Variants in ARHGEF7 observed in about 807,000 individuals in gnomAD.
ARHGEF7 encodes the protein PAK-interacting exchange factor beta.
Under a neutral mutation model 109.8 loss-of-function variants are expected in ARHGEF7, and 33 were observed. The ratio of observed to expected loss-of-function variants is 0.30; its 90% CI spans 0.23 to 0.40. The LOEUF (loss-of-function observed/expected upper bound fraction) is 0.40, where lower values mean the gene tolerates loss of function less well. Ranked by LOEUF, ARHGEF7 falls within the 10% of genes least tolerant of loss-of-function variation. The pLI, the probability that ARHGEF7 is intolerant of heterozygous loss-of-function variation, is 1.00. For synonymous variants in ARHGEF7, 458 were observed against 424.6 expected, an observed-to-expected ratio of 1.08 and a Z score of -0.97; for missense variants, 938 against 1,098.5, an observed-to-expected ratio of 0.85 and a Z score of 2.07.
intron 4 of ARHGEF7, among the ~76,000 whole-genome samples, chr13:111,213,439 A>G (rs183567743): frequency 6.6e-6 from 1 of 152,338 alleles, no homozygotes; most frequent in Non-Finnish European, 1.5e-5. Context: ...TATACATGGA[A>G]CATTCCCGTG....
At chr13:111,210,511 A>G (rs2082365393) in intron 4 of ARHGEF7, among the ~76,000 whole-genome samples, 1 of 152,238 alleles carries the variant, frequency 6.6e-6, no homozygotes, top group Non-Finnish European at 1.5e-5. Context: ...ACGCAGAGAA[A>G]GAAACTTAGA....
chr13:111,214,111 GCT>G (rs2082827987), intron 4 of ARHGEF7, among the ~76,000 whole-genome samples: 1 of 152,150 alleles, frequency 6.6e-6, no homozygotes, highest in African/African-American at 2.4e-5. Context: ...TGGATTCCCC[GCT>G]CTCTTAGACG....
chr13:111,162,469 C>G (rs1879106306), intron 2 of ARHGEF7, among the ~76,000 whole-genome samples: 2 of 152,190 alleles, frequency 1.3e-5, no homozygotes, highest in South Asian at 4.1e-4. Context: ...TCTTGGGCCA[C>G]TCTGTACAAG....
At chr13:111,203,365 A>G (rs7991145) in intron 2 of ARHGEF7, among the ~76,000 whole-genome samples, 69,114 of 152,104 alleles carry the variant, frequency 0.45, 16,469 homozygotes, top group South Asian at 0.56. Flanking sequence ...GTCAGCCTAG[A>G]TGCTGCTCTC....
intron 5 of ARHGEF7, among the ~76,000 whole-genome samples, chr13:111,225,521 T>C (rs2153514464): frequency 6.6e-6 from 1 of 152,112 alleles, no homozygotes; most frequent in South Asian, 2.1e-4. Context: ...TGTTTTTTTT[T>C]TTTTCTCTTA....
intron 19 of ARHGEF7, chr13:111,295,321 G>A: frequency 2.2e-6 from 1 of 459,820 alleles, no homozygotes; most frequent in Non-Finnish European, 2.9e-6. Context: ...GAACCCTTCT[G>A]TCTGCCCTGA....
At position 111,217,910 on chromosome 13, in the gene ARHGEF7, C is replaced by T. The variant is rs374096402; in HGVS notation, c.670+30C>T. On this transcript the variant is annotated intron_variant, in intron 5 of 21. Coordinates refer to ENST00000646102, the MANE Select transcript of ARHGEF7 (RefSeq NM_001354046.2). ...GTGGCCGAGCCTGGGCTGTGTGTGG[C>T]TTTTTGCGATGAGCAGAAAGAAGTA... 6.3e-6 allele frequency: 10 copies of T among 1,581,046 alleles called. No individual in the cohort carries two copies. The African/African-American group carries it at 1.4e-4, about 21-fold the overall frequency.
At chr13:111,168,601 C>G (rs1160209473) in intron 2 of ARHGEF7, among the ~76,000 whole-genome samples, 1 of 152,050 alleles carries the variant, frequency 6.6e-6, no homozygotes, top group Admixed American at 6.6e-5. Context: ...AAGGGATATC[C>G]TTATAGATTA....
intron 1 of ARHGEF7, among the ~76,000 whole-genome samples, chr13:111,127,077 A>G (rs2067613020): frequency 6.6e-6 from 1 of 152,236 alleles, no homozygotes; most frequent in South Asian, 2.1e-4. Context: ...TTACCAACGT[A>G]AGGAATCACC....
chr13:111,175,898 G>A (rs905823516), intron 2 of ARHGEF7, among the ~76,000 whole-genome samples: 12 of 152,186 alleles, frequency 7.9e-5, no homozygotes, highest in African/African-American at 2.7e-4. Flanking sequence ...AAGCAAACAC[G>A]TCCTTCTTTA....
At chr13:111,301,579 A>G (rs530826891) in intron 21 of ARHGEF7, 47 bp downstream of exon 21, 5 of 1,461,736 alleles carry the variant, frequency 3.4e-6, no homozygotes, top group Non-Finnish European at 4.8e-6. Flanking sequence ...TTCAAATGGG[A>G]GAAAAGAAGA....
chr13:111,131,180 C>T lies in ARHGEF7; in HGVS notation c.165+15489C>T, dbSNP rs2074726844. Among the ~76,000 whole-genome samples, 1 of 152,104 alleles carries T rather than the reference C, an allele frequency of 6.6e-6. No homozygotes were observed. Among genetic ancestry groups the T allele is most frequent in the Non-Finnish European group, 1.5e-5 (1 of 68,006 alleles). On this transcript the variant is annotated intron_variant, in intron 1 of 21. Transcript: ENST00000646102. This position sits in a 1 kb window ranked among gnomAD's most constrained non-coding sequence, Gnocchi z 4.4. ...TGGTTATGAAACTCCCACGGTTGCC[C>T]ATGGAGAGCTGTGGGAGCCTGGGCT... is the stretch of plus-strand genomic sequence containing the variant.
chr13:111,263,180 C>G (rs2091285388), intron 8 of ARHGEF7, among the ~76,000 whole-genome samples: 1 of 152,204 alleles, frequency 6.6e-6, no homozygotes, highest in Non-Finnish European at 1.5e-5. Context: ...AGTCCTAGGG[C>G]TCAGCTGACC....
intron 8 of ARHGEF7, among the ~76,000 whole-genome samples, chr13:111,262,808 T>C (rs1014155672): frequency 1.3e-5 from 2 of 152,230 alleles, no homozygotes; most frequent in African/African-American, 4.8e-5. Flanking sequence ...TATGTGTGAC[T>C]CTAGCTGTCA....
chr13:111,293,710 G>T, intron 19 of ARHGEF7: 1 of 985,418 alleles, frequency 1.0e-6, no homozygotes, highest in Middle Eastern at 5.2e-4. Context: ...AGTAAATTGA[G>T]AATAACATTT....
intron 19 of ARHGEF7, among the ~76,000 whole-genome samples, chr13:111,300,455 T>A (rs2093538564): frequency 1.3e-5 from 2 of 152,176 alleles, no homozygotes; most frequent in South Asian, 4.1e-4. Flanking sequence ...GTCACAACCT[T>A]TAACTTCCTC....
intron 13 of ARHGEF7, among the ~76,000 whole-genome samples, chr13:111,278,406 C>T (rs946506710): frequency 2.0e-5 from 3 of 152,124 alleles, no homozygotes; most frequent in African/African-American, 4.8e-5. Flanking sequence ...CAGCAGAAGC[C>T]GCCACTTCGT....
chr13:111,195,213 T>C (rs2080351828), intron 2 of ARHGEF7, among the ~76,000 whole-genome samples: 1 of 152,206 alleles, frequency 6.6e-6, no homozygotes, highest in Admixed American at 6.5e-5. Flanking sequence ...CCCTTCCAGA[T>C]TGTCTTTCCA....
In ARHGEF7 at chr13:111,258,762, C is replaced by T. The variant is rs1240647894; in HGVS notation, c.951-8786C>T. Among the ~76,000 whole-genome samples the T allele has an allele frequency of 6.6e-6, 1 of 152,178 alleles. No homozygotes were observed. Among genetic ancestry groups the T allele is most frequent in the African/African-American group, 2.4e-5 (1 of 41,440 alleles). ...GCCCAGCCACAGTGAGGTGGAACAT[C>T]AAGTGGGCTCTTGGGAGTCCCCAGT... On this transcript the variant is annotated intron_variant, in intron 8 of 21. Transcript: ENST00000646102. This position sits in a 1 kb window ranked among gnomAD's most constrained non-coding sequence, Gnocchi z 4.4.
Sources: gnomAD v4.1 joint callset for allele counts (sites outside exome capture counted in the v4.1 genomes callset) on GRCh38, gnomAD v4.1.1 for gene constraint, Gnocchi (gnomAD v3.1) non-coding constraint, MANE v1.5 for transcripts, NCBI Gene and HGNC (gene_info 2026-07-23, HGNC 2026-07-21) for gene names.